IGF1R: variants seen among roughly 807,000 people sequenced by gnomAD.
IGF1R encodes the protein insulin-like growth factor 1 receptor.
In IGF1R, 44 loss-of-function variants were observed where a neutral mutation model predicts 144.6. The ratio of observed to expected loss-of-function variants is 0.30; its 90% confidence interval spans 0.24 to 0.39. The LOEUF is 0.39. Among genes scored for constraint, IGF1R ranks in the 10% least tolerant of loss-of-function variants. The pLI is 1.00. For synonymous variants in IGF1R, 795 were observed against 722.8 expected (o/e 1.10, Z -1.60); for missense variants, 1,355 against 1,833.7 (o/e 0.74, Z 4.77).
At chr15:98,681,285 A>T (rs567517825) in intron 1 of IGF1R, among the ~76,000 whole-genome samples, 3 of 152,226 alleles carry the variant, frequency 2.0e-5, no homozygotes, top group African/African-American at 7.2e-5. Context: ...CTTGTTTCGC[A>T]TGTCTACCTG....
rs573877268 is a variant in IGF1R, at chr15:98,664,690, C to CAAAA, written c.94+15030_94+15033dup. Among the ~76,000 whole-genome samples the CAAAA allele has an allele frequency of 4.0e-3, 278 of 69,584 alleles. 10 individuals carry two copies. Among genetic ancestry groups the CAAAA allele is most frequent in the Middle Eastern group, 0.01 (1 of 98 alleles). The allele number at this position is 69,584 out of a possible 152,430, so 45.6% of individuals were successfully genotyped here. A position where few individuals can be genotyped will look rare whatever the true frequency, so the allele number is the denominator to read the frequency against. On this transcript the variant is annotated intron_variant, in intron 1 of 20. Transcript: ENST00000650285. The stretch of plus-strand genomic sequence containing the variant: ...CCTGGGCGAGAGTGAGACTCCATGT[C>CAAAA]AAAAAAAAAAAAAAAAAAGTGTCAC...
chr15:98,909,007 T>C, intron 6 of IGF1R, 108 bp downstream of exon 6: 1 of 959,106 alleles, frequency 1.0e-6, no homozygotes, highest in Non-Finnish European at 1.6e-6. Context: ...TGGTTTCACA[T>C]GGGGGACCAC....
intron 2 of IGF1R, among the ~76,000 whole-genome samples, chr15:98,838,767 C>G (rs2011128408): frequency 6.6e-6 from 1 of 152,238 alleles, no homozygotes; most frequent in South Asian, 2.1e-4. Flanking sequence ...AAAAGGCACT[C>G]TGAGCATGAG....
At chr15:98,762,238 C>CTTTTTTTTTTTTTTT (rs5814898) in intron 2 of IGF1R, among the ~76,000 whole-genome samples, 3 of 95,828 alleles carry the variant, frequency 3.1e-5, no homozygotes, top group Non-Finnish European at 4.3e-5. Context: ...CTTTTCTTTT[C>CTTTTTTTTTTTTTTT]TTTTTTTTTT....
Position 98,916,029 on chromosome 15 carries a change from A to C in IGF1R, c.1894A>C (p.Asn632His), listed in dbSNP as rs752534929. Residue 632 changes from asparagine to histidine, a missense_variant, in exon 9 of 21, where the codon AAC becomes CAC. Physicochemically the swap from Asn to His is moderately conservative, Grantham distance 68. This residue lies in a region of IGF1R where 880 missense variants were observed against 1,202.7 expected (regional missense o/e 0.73). Transcript: ENST00000650285. ...CTCTTCTCAGTTAATCGTGAAGTGG[A>C]ACCCTCCCTCTCTGCCCAACGGCAA... The part of the protein sequence containing the change: ...NSSSQLIVKW[N>H]PPSLPNGNLS... The C allele has an allele frequency of 6.2e-7, 1 of 1,614,150 alleles. No homozygotes were observed. The highest frequency in any genetic ancestry group is 8.5e-7 in the Non-Finnish European group (1 of 1,180,006).
At chr15:98,677,126 A>G (rs1596172628) in intron 1 of IGF1R, among the ~76,000 whole-genome samples, 1 of 151,938 alleles carries the variant, frequency 6.6e-6, no homozygotes. Context: ...TTTTAGGGGC[A>G]GGATCTTGCT....
rs1301321124 is a variant in IGF1R at position 98,767,615 on chromosome 15, G to A, written c.640+59508G>A. Among the ~76,000 whole-genome samples the A allele has an allele frequency of 2.6e-5, 4 of 152,314 alleles. No individual in the cohort carries two copies. The South Asian group carries it at 8.3e-4, about 32-fold the overall frequency. ...ATAATCTGCAGTTTGCAAGTGCAGC[G>A]AATCTTGTAGGTAGATTTACCTTGA... is the stretch of plus-strand genomic sequence containing the variant. On this transcript the variant is annotated intron_variant, in intron 2 of 20. Transcript: ENST00000650285.
Position 98,935,454 on chromosome 15 carries a change from A to C in IGF1R, c.3297+28A>C. The C allele has an allele frequency of 7.9e-7, 1 of 1,261,414 alleles. No individual in the cohort carries two copies. Among genetic ancestry groups the C allele is most frequent in the Non-Finnish European group, 1.1e-6 (1 of 881,656 alleles). The allele number at this position is 1,261,414 out of a possible 1,614,324, so 78.1% of individuals were successfully genotyped here. ...CAGTTTTCATTTCCACCGGTATTGC[A>C]TGTTGCCTGGCCTGCTCTCTTTTCC... On this transcript the variant is annotated intron_variant, in intron 17 of 20. Coordinates refer to ENST00000650285, the MANE Select transcript of IGF1R (RefSeq NM_000875.5). The surrounding 1 kb of genome is among the most constrained non-coding windows in gnomAD (Gnocchi z 4.2).
chr15:98,937,959 T>G (rs1284305193), intron 17 of IGF1R, among the ~76,000 whole-genome samples: 2 of 152,240 alleles, frequency 1.3e-5, no homozygotes. Flanking sequence ...AACCACGTGA[T>G]AAGTGTTTTA....
Position 98,916,978 on chromosome 15 carries a change from G to A in IGF1R, c.2201+102G>A, listed in dbSNP as rs746656610. 10 of 944,614 alleles carry A rather than the reference G, an allele frequency of 1.1e-5. No homozygotes were observed. In the African/African-American group the frequency reaches 1.1e-4, roughly 11 times the overall value. 58.5% of individuals were successfully genotyped at this position (944,614 alleles called of 1,614,324 possible). Reference sequence around the variant, plus strand: ...TAGTGTGTAAGTCAGCAGCTGGGGGGTACAATACAGTAGCCACTGAGACGG... The same window carrying A: ...TAGTGTGTAAGTCAGCAGCTGGGGGATACAATACAGTAGCCACTGAGACGG... On this transcript the variant is annotated intron_variant, in intron 10 of 20. Transcript: ENST00000650285.
At chr15:98,822,748 T>G (rs1035711067) in intron 2 of IGF1R, among the ~76,000 whole-genome samples, 5 of 152,232 alleles carry the variant, frequency 3.3e-5, no homozygotes, top group Admixed American at 6.5e-5. Flanking sequence ...GAATAAACTT[T>G]TATTTTCTGA....
intron 5 of IGF1R, among the ~76,000 whole-genome samples, chr15:98,904,627 T>G (rs910516726): frequency 1.3e-5 from 2 of 152,136 alleles, no homozygotes; most frequent in Non-Finnish European, 2.9e-5. Context: ...TGCAGATGGC[T>G]CTGTTGCTGA....
At chr15:98,802,543 G>A (rs1051739477) in intron 2 of IGF1R, among the ~76,000 whole-genome samples, 1 of 152,210 alleles carries the variant, frequency 6.6e-6, no homozygotes, top group Non-Finnish European at 1.5e-5. Context: ...CAATTTTGTG[G>A]AACAAAGTGT....
chr15:98,661,885 T>G (rs1596151874), intron 1 of IGF1R, among the ~76,000 whole-genome samples: 1 of 150,674 alleles, frequency 6.6e-6, no homozygotes, highest in South Asian at 2.1e-4. Flanking sequence ...GTGGCCCTGG[T>G]GGGCTCTCTC....
chr15:98,838,912 G>A (rs549773137), intron 2 of IGF1R, among the ~76,000 whole-genome samples: 1 of 152,356 alleles, frequency 6.6e-6, no homozygotes, highest in South Asian at 2.1e-4. Flanking sequence ...TGGGGATCCT[G>A]CTTTTGCTGG....
rs1022612238 is a variant in IGF1R at position 98,891,833 on chromosome 15, C to G, written c.953+196C>G. Among the ~76,000 whole-genome samples, 1 of 152,202 alleles carries G rather than the reference C, an allele frequency of 6.6e-6. No individual in the cohort carries two copies. The highest frequency in any genetic ancestry group is 2.4e-5 in the African/African-American group (1 of 41,454). On this transcript the variant is annotated intron_variant, in intron 3 of 20. Coordinates refer to ENST00000650285, the MANE Select transcript of IGF1R (RefSeq NM_000875.5). This position sits in a 1 kb window ranked among gnomAD's most constrained non-coding sequence, Gnocchi z 4.7. ...GAACAATTGGCATGGCTTACCGCCC[C>G]CCTCACCAGTTTGTTTTATATTTTA...
chr15:98,756,468 T>C (rs2055158688), intron 2 of IGF1R, among the ~76,000 whole-genome samples: 1 of 151,194 alleles, frequency 6.6e-6, no homozygotes, highest in South Asian at 2.1e-4. Context: ...CAGTTATTTG[T>C]AATATTGTTA....
intron 5 of IGF1R, among the ~76,000 whole-genome samples, chr15:98,904,611 A>G (rs890142418): frequency 6.6e-6 from 1 of 152,110 alleles, no homozygotes; most frequent in African/African-American, 2.4e-5. Flanking sequence ...AAATACTCTT[A>G]TCAGTTGCAG....
intron 1 of IGF1R, among the ~76,000 whole-genome samples, chr15:98,650,097 G>C (rs1240361431): frequency 6.6e-6 from 1 of 152,098 alleles, no homozygotes; most frequent in African/African-American, 2.4e-5. Context: ...AGGCAGCAGC[G>C]ACAGCACCCT....
Sources: gnomAD v4.1 joint callset for allele counts (sites outside exome capture counted in the v4.1 genomes callset) on GRCh38, gnomAD v4.1.1 for gene constraint, gnomAD v4.1.1 regional missense constraint, Gnocchi (gnomAD v3.1) non-coding constraint, MANE v1.5 for transcripts, NCBI Gene and HGNC (gene_info 2026-07-23, HGNC 2026-07-21) for gene names.